The following MYT1 variants were observed in gnomAD, a reference collection of about 807,000 sequenced individuals.
The protein encoded by MYT1 is myelin transcription factor 1.
Under a neutral mutation model 123.0 loss-of-function variants are expected in MYT1, and 23 were observed. The observed-to-expected ratio is 0.19, with a 90% CI of 0.13 to 0.26. The LOEUF is 0.26. Ranked by LOEUF, MYT1 falls within the 10% of genes least tolerant of loss-of-function variation. The pLI is 1.00. For missense variants in MYT1, 1,125 were observed against 1,472.5 expected, an observed-to-expected ratio of 0.76 and a Z score of 3.86; for synonymous variants, 518 against 575.3, an observed-to-expected ratio of 0.90 and a Z score of 1.43.
intron 7 of MYT1, among the ~76,000 whole-genome samples, chr20:64,210,654 G>A (rs1365302666): frequency 6.6e-6 from 1 of 152,200 alleles, no homozygotes; most frequent in Admixed American, 6.5e-5. Context: ...TGCTCTGAGG[G>A]TCCTCCGTGT....
At position 64,191,993 on chromosome 20, in the gene MYT1, G is replaced by A. The variant is rs1414955218; in HGVS notation, c.-1+1833G>A. ...GAGCATGAACGTTACTTGACTTGAGGCCAGGGGCTCTGCATGCAGCGTTAT... is the reference window on the plus strand; with the variant it reads ...GAGCATGAACGTTACTTGACTTGAGACCAGGGGCTCTGCATGCAGCGTTAT... On this transcript the variant is annotated intron_variant, in intron 2 of 22. Transcript: ENST00000328439. The surrounding 1 kb of genome is among the most constrained non-coding windows in gnomAD (Gnocchi z 4.1). 1 of 152,180 alleles carries A rather than the reference G, an allele frequency of 6.6e-6. No homozygotes were observed. Among genetic ancestry groups the A allele is most frequent in the African/African-American group, 2.4e-5 (1 of 41,440 alleles). The allele number at this position is 152,180 out of a possible 1,614,324, so 9.4% of individuals were successfully genotyped here.
At chr20:64,219,538 G>C (rs1983934535) in intron 12 of MYT1, among the ~76,000 whole-genome samples, 175 bp from the exon 13 acceptor site, 2 of 152,208 alleles carry the variant, frequency 1.3e-5, no homozygotes, top group Admixed American at 1.3e-4. Context: ...CCCTTCATGG[G>C]AAATCAGGAA....
intron 2 of MYT1, among the ~76,000 whole-genome samples, chr20:64,198,024 G>A (rs73626452): frequency 5.9e-5 from 9 of 152,234 alleles, no homozygotes; most frequent in South Asian, 2.1e-4. Flanking sequence ...GGTGGCTCAC[G>A]CCTGTAATCC....
chr20:64,208,473 G>C lies in MYT1; in HGVS notation c.1277G>C (p.Ser426Thr). 1 of 1,602,558 alleles carries C rather than the reference G, an allele frequency of 6.2e-7. No homozygotes were observed. Among genetic ancestry groups the C allele is most frequent in the Admixed American group, 1.7e-5 (1 of 59,544 alleles). ...AAGCCCCTGGACACTGTGCGGAAGA[G>C]TTACTACAGTAAAGGTAGGGCTCAG... is the stretch of plus-strand genomic sequence containing the variant. ...AAKPLDTVRK[S>T]YYSKDPSRAE... The change falls in exon 7 of 23, where the codon AGT becomes ACT. Residue 426 changes from serine (S) to threonine (T), a missense_variant. By Grantham distance (58) the Ser-to-Thr change is moderately conservative. Coordinates refer to ENST00000328439, the MANE Select transcript of MYT1 (RefSeq NM_004535.3). The surrounding 1 kb of genome is among the most constrained non-coding windows in gnomAD (Gnocchi z 5.4).
In MYT1 at chr20:64,213,468, C is replaced by CA. The variant is rs1230296614; in HGVS notation, c.1518-65dup. 15 of 1,309,638 alleles carry CA rather than the reference C, an allele frequency of 1.1e-5. No homozygotes were observed. Among genetic ancestry groups the CA allele is most frequent in the Non-Finnish European group, 1.1e-6 (1 of 912,474 alleles). The allele number at this position is 1,309,638 out of a possible 1,614,324, so 81.1% of individuals were successfully genotyped here. A position where few individuals can be genotyped will look rare whatever the true frequency, so the allele number is the denominator to read the frequency against. On this transcript the variant is annotated intron_variant, in intron 9 of 22. Transcript: ENST00000328439. The surrounding 1 kb of genome is among the most constrained non-coding windows in gnomAD (Gnocchi z 5.6). ...CCTTGCCGTGAGACACCCACACACACAGACACCCAGGACAGGACAGGCATG... is the reference window on the plus strand; with the variant it reads ...CCTTGCCGTGAGACACCCACACACACAAGACACCCAGGACAGGACAGGCATG...
intron 19 of MYT1, among the ~76,000 whole-genome samples, chr20:64,235,732 C>CTGGCCGTGGTGGGTGACCCTTGGA (rs1984506254): frequency 1.0e-5 from 1 of 97,816 alleles, no homozygotes; most frequent in African/African-American, 5.9e-5. Flanking sequence ...TGACCCTTGG[C>CTGGCCGTGGTGGGTGACCCTTGGA]TGGCTGTGGT....
chr20:64,167,387 G>T lies in MYT1; in HGVS notation c.-99+2648G>T, dbSNP rs1982115380. ...CCCAGTCCCTCTGTCGGGGCTCAGG[G>T]TGGGGATGAGACCGGGAACAACCAG... On this transcript the variant is annotated intron_variant, in intron 1 of 22. Coordinates refer to ENST00000328439, the MANE Select transcript of MYT1 (RefSeq NM_004535.3). The surrounding 1 kb of genome is among the most constrained non-coding windows in gnomAD (Gnocchi z 6.3). Among the ~76,000 whole-genome samples the T allele has an allele frequency of 6.6e-6, 1 of 152,208 alleles. No homozygotes were observed. The highest frequency in any genetic ancestry group is 1.5e-5 in the Non-Finnish European group (1 of 68,040).
At chr20:64,235,286 CATGGTGGGTGACCCCGA>C (rs2145735343) in intron 19 of MYT1, among the ~76,000 whole-genome samples, 1 of 82,932 alleles carries the variant, frequency 1.2e-5, no homozygotes, top group African/African-American at 8.2e-5. Context: ...CGGGGCTGGC[CATGGTGGGTGACCCCGA>C]GCTGGCTGTG....
intron 1 of MYT1, among the ~76,000 whole-genome samples, chr20:64,187,101 T>G (rs1319914909): frequency 1.3e-5 from 2 of 149,636 alleles, no homozygotes; most frequent in Admixed American, 6.6e-5. Flanking sequence ...CATCCATGTT[T>G]CCGTGGAGAG....
intron 1 of MYT1, among the ~76,000 whole-genome samples, chr20:64,182,551 A>G (rs1982684573): frequency 6.6e-6 from 1 of 152,204 alleles, no homozygotes. Flanking sequence ...GAATGAGTAC[A>G]GCTCTAACTG....
At chr20:64,176,585 G>A (rs1051812303) in intron 1 of MYT1, among the ~76,000 whole-genome samples, 13 of 152,260 alleles carry the variant, frequency 8.5e-5, no homozygotes, top group Non-Finnish European at 1.5e-4. Flanking sequence ...TGGGGCGAAT[G>A]TGCTGGACTG....
rs1982808257 is a variant in MYT1 at position 64,186,575 on chromosome 20, C to G, written c.-98-3488C>G. Among the ~76,000 whole-genome samples, 1 of 152,266 alleles carries G rather than the reference C, an allele frequency of 6.6e-6. No homozygotes were observed. ...TCTCCAAATAATTCTTCCCCTCCCA[C>G]TTTGTGGGTGAAGGACTTAAGTCTC... is the stretch of plus-strand genomic sequence containing the variant. On this transcript the variant is annotated intron_variant, in intron 1 of 22. Coordinates refer to ENST00000328439, the MANE Select transcript of MYT1 (RefSeq NM_004535.3). This position sits in a 1 kb window ranked among gnomAD's most constrained non-coding sequence, Gnocchi z 4.3.
rs1389044573 is a variant in MYT1, at chr20:64,207,755, G to A, written c.559G>A (p.Ala187Thr). ...ETLVEEDLGQAAKPGPGIVHL... is the reference protein window; with the variant it reads ...ETLVEEDLGQTAKPGPGIVHL... ...CCTGGTGGAAGAGGACTTGGGCCAGGCGGCCAAGCCAGGTCCTGGCATTGT... is the reference window on the plus strand; with the variant it reads ...CCTGGTGGAAGAGGACTTGGGCCAGACGGCCAAGCCAGGTCCTGGCATTGT... Residue 187 changes from alanine to threonine, a missense_variant, in exon 7 of 23, where the codon GCG (alanine) becomes ACG (threonine). Physicochemically the swap from Ala to Thr is moderately conservative, Grantham distance 58 (BLOSUM62 0). Around this residue, in one of 4 missense-constraint regions of MYT1, gnomAD observed 406 missense variants for 432.2 expected, o/e 0.94. Coordinates refer to ENST00000328439, the MANE Select transcript of MYT1 (RefSeq NM_004535.3). The A allele has an allele frequency of 6.2e-7, 1 of 1,613,992 alleles. No individual in the cohort carries two copies. Among genetic ancestry groups the A allele is most frequent in the Non-Finnish European group, 8.5e-7 (1 of 1,180,002 alleles).
chr20:64,230,673 G>T (rs1312508137), intron 18 of MYT1, among the ~76,000 whole-genome samples: 1 of 152,226 alleles, frequency 6.6e-6, no homozygotes, highest in African/African-American at 2.4e-5. Flanking sequence ...CCCCATCAGA[G>T]GGGGGCTGGA....
rs1279795304 is a variant in MYT1, at chr20:64,213,698, A to G, written c.1631+51A>G. 6.7e-7 allele frequency: 1 copy of G among 1,485,282 alleles called. No homozygotes were observed. Among genetic ancestry groups the G allele is most frequent in the Admixed American group, 1.7e-5 (1 of 59,222 alleles). The allele number at this position is 1,485,282 out of a possible 1,614,324, so 92.0% of individuals were successfully genotyped here. ...AAGAGGCTGCCTCCCAAATGCCTGC[A>G]GAGGGCTTCTCAGTCTCCCGCAGGC... is the stretch of plus-strand genomic sequence containing the variant. On this transcript the variant is annotated intron_variant, in intron 10 of 22. Transcript: ENST00000328439. The surrounding 1 kb of genome is among the most constrained non-coding windows in gnomAD (Gnocchi z 5.6).
At chr20:64,182,365 G>C (rs1982679977) in intron 1 of MYT1, among the ~76,000 whole-genome samples, 2 of 152,232 alleles carry the variant, frequency 1.3e-5, no homozygotes, top group South Asian at 4.1e-4. Context: ...ATGGGGGGCT[G>C]TTGCTGCTGG....
At position 64,232,095 on chromosome 20, in the gene MYT1, T is replaced by G. The variant is rs921497958; in HGVS notation, c.2676-69T>G. On this transcript the variant is annotated intron_variant, in intron 18 of 22. Transcript: ENST00000328439. This position sits in a 1 kb window ranked among gnomAD's most constrained non-coding sequence, Gnocchi z 6.9. ...AGTTGGGCTCCCCTTGTGTCTGGCT[T>G]GAGAGAGTCTCCAGGCTTCTCCTCC... is the stretch of plus-strand genomic sequence containing the variant. 7 of 1,527,064 alleles carry G rather than the reference T, an allele frequency of 4.6e-6. No homozygotes were observed. Among genetic ancestry groups the G allele is most frequent in the Admixed American group, 3.4e-5 (2 of 58,932 alleles). The allele number at this position is 1,527,064 out of a possible 1,614,324, so 94.6% of individuals were successfully genotyped here. A position where few individuals can be genotyped will look rare whatever the true frequency, so the allele number is the denominator to read the frequency against.
intron 2 of MYT1, among the ~76,000 whole-genome samples, chr20:64,195,757 A>G (rs1983100752): frequency 6.6e-6 from 1 of 152,234 alleles, no homozygotes; most frequent in South Asian, 2.1e-4. Flanking sequence ...AAACAGAAAT[A>G]TAAAACAGAA....
intron 2 of MYT1, among the ~76,000 whole-genome samples, chr20:64,197,215 T>C (rs1255160913): frequency 1.3e-5 from 2 of 152,266 alleles, no homozygotes; most frequent in Non-Finnish European, 2.9e-5. Flanking sequence ...ACCCAGGTTT[T>C]GATTTTTCTT....
Sources: gnomAD v4.1 joint callset for allele counts (sites outside exome capture counted in the v4.1 genomes callset) on GRCh38, gnomAD v4.1.1 for gene constraint, gnomAD v4.1.1 regional missense constraint, Gnocchi (gnomAD v3.1) non-coding constraint, MANE v1.5 for transcripts, NCBI Gene and HGNC (gene_info 2026-07-23, HGNC 2026-07-21) for gene names.